The following PRMT3 variants were observed in gnomAD, a reference collection of about 807,000 sequenced individuals.
PRMT3 encodes protein arginine N-methyltransferase 3.
Under a neutral mutation model 71.9 loss-of-function variants are expected in PRMT3, and 62 were observed. The observed-to-expected ratio is 0.86, with a 90% CI of 0.70 to 1.07. PRMT3 has a LOEUF of 1.07. Among genes scored for constraint, PRMT3 ranks in the 50% least tolerant of loss-of-function variants. The probability of loss-of-function intolerance (pLI) is 0.00; values close to 1 mark genes in which losing one functional copy is unlikely to be tolerated. For synonymous variants in PRMT3, 213 were observed against 220.4 expected, an observed-to-expected ratio of 0.97 and a Z score of 0.30; for missense variants, 663 against 643.0, an observed-to-expected ratio of 1.03 and a Z score of -0.34.
chr11:20,488,745 A>G (rs566766888), intron 13 of PRMT3, among the ~76,000 whole-genome samples: 30 of 152,320 alleles, frequency 2.0e-4, no homozygotes, highest in African/African-American at 7.0e-4. Flanking sequence ...CATACACACA[A>G]TGTGTCCTCT....
chr11:20,457,893 T>A (rs1850303236), intron 11 of PRMT3, among the ~76,000 whole-genome samples: 1 of 152,202 alleles, frequency 6.6e-6, no homozygotes, highest in Non-Finnish European at 1.5e-5. Flanking sequence ...GTGTCATTTT[T>A]TATTTTTCAG....
At chr11:20,400,457 T>A (rs1848924381) in intron 7 of PRMT3, among the ~76,000 whole-genome samples, 1 of 152,074 alleles carries the variant, frequency 6.6e-6, no homozygotes. Flanking sequence ...TGAAGAAGAG[T>A]CATCATTGGC....
rs145442373 is a variant in PRMT3 at position 20,392,995 on chromosome 11, A to G, written c.396A>G (p.Gln132=). ...KPVLEDDLLL[Q]FDVEDLYEPV... is the part of the protein sequence containing the mutation. ...TATTAGAAGATGACCTTTTACTTCAATTTGGTAAGATGAACATAAGTGTAT... is the reference window on the plus strand; with the variant it reads ...TATTAGAAGATGACCTTTTACTTCAGTTTGGTAAGATGAACATAAGTGTAT... The change falls in exon 5 of 16, where the codon CAA becomes CAG. Residue 132 remains glutamine (Q), a synonymous_variant. Transcript: ENST00000331079. 2.3e-4 allele frequency: 368 copies of G among 1,571,534 alleles called. 1 individual carries two copies. The highest frequency in any genetic ancestry group is 6.1e-4 in the South Asian group (55 of 90,064).
chr11:20,393,028 AATT>A, intron 5 of PRMT3, 29 bp downstream of exon 5: 1 of 1,418,410 alleles, frequency 7.1e-7, no homozygotes, highest in Non-Finnish European at 1.0e-6. Context: ...TATCTCCTTT[AATT>A]AACATAAGGC....
rs768252373 is a variant in PRMT3 at position 20,395,889 on chromosome 11, A to C, written c.487A>C (p.Lys163Gln). The change falls in exon 6 of 16, where the codon AAA (lysine) becomes CAA (glutamine). Residue 163 changes from lysine to glutamine, a missense_variant. Lys to Gln is a moderately conservative substitution (Grantham distance 53, BLOSUM62 1). Transcript: ENST00000331079. ...SENTSVVEKL[K>Q]HMEARALSAE... The stretch of plus-strand genomic sequence containing the variant: ...AAATACATCTGTTGTTGAAAAATTG[A>C]AACATATGGAAGCCAGGGCACTGTC... The C allele has an allele frequency of 3.1e-6, 5 of 1,614,184 alleles. No homozygotes were observed. In the South Asian group the frequency reaches 4.4e-5, roughly 14 times the overall value.
At chr11:20,445,076 TA>T (rs1849993324) in intron 10 of PRMT3, among the ~76,000 whole-genome samples, 2 of 43,942 alleles carry the variant, frequency 4.6e-5, no homozygotes, top group Non-Finnish European at 3.0e-4. Flanking sequence ...TCTTTAAATA[TA>T]AAAACATAGG....
intron 15 of PRMT3, among the ~76,000 whole-genome samples, chr11:20,501,509 G>T (rs1178201429): frequency 3.3e-5 from 5 of 152,030 alleles, no homozygotes; most frequent in Admixed American, 6.6e-5. Flanking sequence ...CCTTGGTGTG[G>T]CTGAAAAAGA....
intron 11 of PRMT3, 129 bp from the exon 12 acceptor site, chr11:20,461,851 A>G: frequency 1.4e-6 from 1 of 731,488 alleles, no homozygotes. Context: ...CCTGATCTAT[A>G]CCTTCATTAA....
At chr11:20,490,630 C>G (rs1238845610) in intron 13 of PRMT3, among the ~76,000 whole-genome samples, 1 of 151,982 alleles carries the variant, frequency 6.6e-6, no homozygotes, top group East Asian at 1.9e-4. Context: ...TTTGTGACAT[C>G]TTCAGATACA....
chr11:20,437,878 T>C (rs941223409), intron 10 of PRMT3, among the ~76,000 whole-genome samples: 3 of 151,930 alleles, frequency 2.0e-5, no homozygotes, highest in African/African-American at 7.3e-5. Context: ...CGTGAGCCAC[T>C]GCGCCCGGCC....
chr11:20,428,555 A>C (rs1210476196), intron 10 of PRMT3, among the ~76,000 whole-genome samples: 1 of 152,230 alleles, frequency 6.6e-6, no homozygotes, highest in African/African-American at 2.4e-5. Flanking sequence ...TTGATATCTT[A>C]GAGCCAGCTG....
intron 13 of PRMT3, among the ~76,000 whole-genome samples, chr11:20,479,672 A>AT (rs1237564659): frequency 1.3e-5 from 2 of 152,088 alleles, no homozygotes; most frequent in Admixed American, 6.6e-5. Flanking sequence ...TTTTGATAGT[A>AT]TTTTTTTAAA....
chr11:20,491,985 A>G (rs1161290205), intron 13 of PRMT3, among the ~76,000 whole-genome samples: 1 of 152,200 alleles, frequency 6.6e-6, no homozygotes, highest in Non-Finnish European at 1.5e-5. Context: ...AAAGCTAGCC[A>G]TATTTGAGAC....
intron 14 of PRMT3, 33 bp from the exon 15 acceptor site, chr11:20,494,134 T>C: frequency 6.5e-7 from 1 of 1,548,658 alleles, no homozygotes; most frequent in South Asian, 1.1e-5. Context: ...AATCTTGTAC[T>C]TCATCAAATA....
rs779069393 is a variant in PRMT3 at position 20,407,942 on chromosome 11, TTC to T, written c.809_810del (p.Ser270TyrfsTer5). 1.2e-6 allele frequency: 2 copies of T among 1,611,538 alleles called. No homozygotes were observed. The highest frequency in any genetic ancestry group is 1.7e-6 in the Non-Finnish European group (2 of 1,177,878). The stretch of plus-strand genomic sequence containing the variant: ...TTGGATGTTGGGTGTGGAACTGGAA[TTC>T]TCTCTATGTTTGCTGCTAAAGCTGG... On this transcript the variant is annotated frameshift_variant, in exon 9 of 16. Transcript: ENST00000331079. LOFTEE classifies it high-confidence loss of function.
chr11:20,412,405 C>G (rs1298577250), intron 9 of PRMT3, among the ~76,000 whole-genome samples: 12 of 152,042 alleles, frequency 7.9e-5, no homozygotes, highest in Admixed American at 7.9e-4. Flanking sequence ...GAACCCCCCC[C>G]CCACCTTTGT....
chr11:20,415,628 G>A (rs149934133), intron 9 of PRMT3, among the ~76,000 whole-genome samples: 257 of 152,044 alleles, frequency 1.7e-3, no homozygotes, highest in African/African-American at 6.0e-3. Flanking sequence ...ATTTGCATGA[G>A]TCTTAGAGAC....
At chr11:20,423,676 A>AT (rs544405499) in intron 9 of PRMT3, among the ~76,000 whole-genome samples, 4 of 151,598 alleles carry the variant, frequency 2.6e-5, no homozygotes, top group Admixed American at 6.6e-5. Context: ...GCCTTTGTTG[A>AT]TTTTTTTTCT....
At chr11:20,405,041 A>G (rs1189371004) in intron 8 of PRMT3, among the ~76,000 whole-genome samples, 3 of 152,200 alleles carry the variant, frequency 2.0e-5, no homozygotes, top group Admixed American at 6.5e-5. Flanking sequence ...TCATCAAGAT[A>G]TTAAATATTT....
Sources: allele counts gnomAD v4.1 joint callset (sites outside exome capture counted in the v4.1 genomes callset), GRCh38; gene constraint gnomAD v4.1.1; transcripts MANE v1.5; gene names NCBI Gene and HGNC (gene_info 2026-07-23, HGNC 2026-07-21).